Variants in CNTN3 observed in about 807,000 individuals in gnomAD.
CNTN3 encodes contactin 3, also known as contactin-3.
A neutral mutation model predicts 119.1 loss-of-function variants in CNTN3; 60 were observed. That is an observed-to-expected ratio of 0.50 (90% CI 0.41 to 0.62). CNTN3 has a LOEUF of 0.62. CNTN3 is among the 20% of genes least tolerant of loss of function. The pLI is 0.00. For missense variants in CNTN3, 1,101 were observed against 1,242.4 expected (o/e 0.89, Z 1.71); for synonymous variants, 450 against 438.7 (o/e 1.03, Z -0.32).
intron 1 of CNTN3, among the ~76,000 whole-genome samples, chr3:74,535,803 G>A (rs147075620): frequency 2.6e-5 from 4 of 152,046 alleles, no homozygotes; most frequent in African/African-American, 7.2e-5. Context: ...AGCAAGCCAC[G>A]TTTTGAAGTC....
chr3:74,475,525 G>A (rs376316463), intron 4 of CNTN3, among the ~76,000 whole-genome samples: 32 of 152,210 alleles, frequency 2.1e-4, no homozygotes, highest in African/African-American at 5.8e-4. Context: ...ATCCTGCATC[G>A]CTGCAAGGCT....
chr3:74,611,562 G>T (rs1274057403), intron 1 of CNTN3, among the ~76,000 whole-genome samples: 1 of 152,122 alleles, frequency 6.6e-6, no homozygotes, highest in Non-Finnish European at 1.5e-5. Context: ...TTGGATATGA[G>T]AATGAGATCT....
chr3:74,508,637 T>A (rs1360784153), intron 2 of CNTN3, among the ~76,000 whole-genome samples: 1 of 149,176 alleles, frequency 6.7e-6, no homozygotes, highest in African/African-American at 2.4e-5. Flanking sequence ...CCTTACTGCA[T>A]GCTGGACTGT....
intron 11 of CNTN3, among the ~76,000 whole-genome samples, chr3:74,359,319 G>A (rs2106766951): frequency 6.6e-6 from 1 of 152,192 alleles, no homozygotes; most frequent in East Asian, 1.9e-4. Flanking sequence ...ATATGTATAT[G>A]TACAAATATC....
chr3:74,583,395 C>A (rs534984651), intron 1 of CNTN3, among the ~76,000 whole-genome samples: 5 of 151,202 alleles, frequency 3.3e-5, no homozygotes, highest in South Asian at 2.1e-4. Flanking sequence ...AAAAAAAAAA[C>A]CAGTGATACA....
intron 11 of CNTN3, 141 bp from the exon 12 acceptor site, chr3:74,336,799 C>CA (rs74266971): frequency 0.048 from 18,517 of 386,996 alleles, 4 homozygotes; most frequent in East Asian, 0.064. Context: ...TTTGGGAATA[C>CA]AAAAAAAAAA....
intron 5 of CNTN3, among the ~76,000 whole-genome samples, chr3:74,397,479 A>C (rs752046880): frequency 2.0e-5 from 3 of 147,582 alleles, no homozygotes; most frequent in Non-Finnish European, 4.5e-5. Flanking sequence ...TAAATGTTCT[A>C]TGTGTTCTGA....
chr3:74,333,834 T>C (rs929219099), intron 13 of CNTN3, among the ~76,000 whole-genome samples: 1 of 152,146 alleles, frequency 6.6e-6, no homozygotes, highest in African/African-American at 2.4e-5. Context: ...CACAGTTGAG[T>C]TGACCATCAT....
chr3:74,594,428 T>C (rs1207091492), intron 1 of CNTN3, among the ~76,000 whole-genome samples: 2 of 151,942 alleles, frequency 1.3e-5, no homozygotes, highest in Non-Finnish European at 2.9e-5. Flanking sequence ...TATCTCCTAA[T>C]GCTATCCCTC....
At chr3:74,491,611 T>G (rs1702965815) in intron 3 of CNTN3, among the ~76,000 whole-genome samples, 1 of 152,216 alleles carries the variant, frequency 6.6e-6, no homozygotes, top group African/African-American at 2.4e-5. Flanking sequence ...TAGACTCATT[T>G]TCTTTGCAGG....
At chr3:74,288,599 TAAAAA>T (rs1030411150) in intron 19 of CNTN3, among the ~76,000 whole-genome samples, 2 of 151,966 alleles carry the variant, frequency 1.3e-5, no homozygotes, top group Non-Finnish European at 2.9e-5. Flanking sequence ...CTGCCAAACT[TAAAAA>T]AAAGACTGAT....
At chr3:74,344,946 A>G (rs938765499) in intron 11 of CNTN3, among the ~76,000 whole-genome samples, 2 of 152,100 alleles carry the variant, frequency 1.3e-5, no homozygotes, top group African/African-American at 4.8e-5. Context: ...TCTAAGATAT[A>G]TGGGCCTCAG....
At chr3:74,502,809 C>G (rs1164167009) in intron 2 of CNTN3, among the ~76,000 whole-genome samples, 1 of 152,104 alleles carries the variant, frequency 6.6e-6, no homozygotes, top group African/African-American at 2.4e-5. Context: ...TCATTTCCAC[C>G]AGTCACAGAT....
rs1380698040 is a variant in CNTN3, at chr3:74,382,070, T to C, written c.455-10671A>G. The stretch of plus-strand genomic sequence containing the variant: ...CTAAAAATACAAAATTAGCCAGGCA[T>C]GGTGGCACACGCCTGTAATCCCAGC... On this transcript the variant is annotated intron_variant, in intron 5 of 22. Transcript: ENST00000263665. Among the ~76,000 whole-genome samples the C allele has an allele frequency of 2.0e-5, 3 of 152,074 alleles. No individual in the cohort carries two copies. In the East Asian group the frequency reaches 5.8e-4, roughly 29 times the overall value.
At chr3:74,472,838 G>C (rs963277112) in intron 4 of CNTN3, among the ~76,000 whole-genome samples, 19 of 152,106 alleles carry the variant, frequency 1.2e-4, no homozygotes, top group African/African-American at 4.1e-4. Context: ...TGCATTTTTA[G>C]CCACACTAGT....
At chr3:74,562,154 C>A (rs1575831299) in intron 1 of CNTN3, among the ~76,000 whole-genome samples, 1 of 152,178 alleles carries the variant, frequency 6.6e-6, no homozygotes, top group South Asian at 2.1e-4. Context: ...TATTCTTATT[C>A]CCAGCAGAAA....
chr3:74,299,978 A>G, intron 16 of CNTN3, 40 bp from the exon 17 acceptor site: 1 of 1,216,364 alleles, frequency 8.2e-7, no homozygotes, highest in Non-Finnish European at 1.1e-6. Flanking sequence ...TGGTACTTGC[A>G]TTTAGTAATA....
intron 1 of CNTN3, among the ~76,000 whole-genome samples, chr3:74,606,531 GGAA>G (rs1444822508): frequency 6.6e-6 from 1 of 151,576 alleles, no homozygotes; most frequent in African/African-American, 2.4e-5. Context: ...AAGTAGGGTA[GGAA>G]GAAGAATGAC....
intron 4 of CNTN3, among the ~76,000 whole-genome samples, chr3:74,459,247 T>A (rs943968002): frequency 6.6e-6 from 1 of 151,972 alleles, no homozygotes; most frequent in African/African-American, 2.4e-5. Flanking sequence ...GACCTCACTA[T>A]CATCCTTCAC....
Sources: allele counts gnomAD v4.1 joint callset (sites outside exome capture counted in the v4.1 genomes callset), GRCh38; gene constraint gnomAD v4.1.1; transcripts MANE v1.5; gene names NCBI Gene and HGNC (gene_info 2026-07-23, HGNC 2026-07-21).